SLC15A1: variants seen among roughly 807,000 people sequenced by gnomAD.
The protein encoded by SLC15A1 is solute carrier family 15 member 1.
SLC15A1 carries 83 observed loss-of-function variants against 92.9 expected under a neutral mutation model. The ratio of observed to expected loss-of-function variants is 0.89; its 90% CI spans 0.75 to 1.07. The LOEUF (loss-of-function observed/expected upper bound fraction) is 1.07. Ranked by LOEUF, SLC15A1 falls within the 50% of genes least tolerant of loss-of-function variation. The pLI is 0.00. For missense variants in SLC15A1, 857 were observed against 880.1 expected (o/e 0.97, Z 0.33); for synonymous variants, 322 against 318.2 (o/e 1.01, Z -0.13).
chr13:98,719,422 A>C (rs1272938258), intron 7 of SLC15A1, 102 bp from the exon 8 acceptor site: 2 of 811,284 alleles, frequency 2.5e-6, no homozygotes, highest in African/African-American at 3.4e-5. Flanking sequence ...TTGCTTTCAC[A>C]TACTGTTCTA....
chr13:98,739,357 CA>C (rs1351791591), intron 1 of SLC15A1, among the ~76,000 whole-genome samples: 2 of 152,196 alleles, frequency 1.3e-5, no homozygotes, highest in South Asian at 4.2e-4. Flanking sequence ...TTGGGGAGGC[CA>C]GGGGGAATGA....
At chr13:98,740,882 C>A (rs1194437634) in intron 1 of SLC15A1, among the ~76,000 whole-genome samples, 1 of 152,280 alleles carries the variant, frequency 6.6e-6, no homozygotes, top group African/African-American at 2.4e-5. Flanking sequence ...AAGTGTTTTT[C>A]TTTCCTTAAA....
chr13:98,741,746 G>A (rs1177599120), intron 1 of SLC15A1, among the ~76,000 whole-genome samples: 1 of 147,788 alleles, frequency 6.8e-6, no homozygotes, highest in African/African-American at 2.5e-5. Context: ...AAAAAAAAAG[G>A]CCTCCTTTTC....
intron 1 of SLC15A1, among the ~76,000 whole-genome samples, chr13:98,736,619 T>C (rs1041034805): frequency 2.0e-5 from 3 of 152,046 alleles, no homozygotes; most frequent in African/African-American, 7.3e-5. Flanking sequence ...ATCTAGAATA[T>C]ACAAAGAACT....
At position 98,709,788 on chromosome 13, in the gene SLC15A1, A is replaced by C; in HGVS notation, c.946-14T>G. 1.2e-6 allele frequency: 2 copies of C among 1,614,218 alleles called. No homozygotes were observed. Among genetic ancestry groups the C allele is most frequent in the Non-Finnish European group, 1.7e-6 (2 of 1,180,046 alleles). On this transcript the variant is annotated splice_polypyrimidine_tract_variant and intron_variant, in intron 12 of 22. Transcript: ENST00000376503. ...TTCAAGAGCTCCCTAAAAAGAGAGG[A>C]AAACAATCTCAGTGAAAAATGTCAT...
At chr13:98,714,952 A>G (rs1045378155) in intron 9 of SLC15A1, among the ~76,000 whole-genome samples, 4 of 152,178 alleles carry the variant, frequency 2.6e-5, no homozygotes, top group Non-Finnish European at 4.4e-5. Context: ...TGCATATCCT[A>G]TGGAGGTACT....
At chr13:98,741,153 G>T (rs1289510511) in intron 1 of SLC15A1, among the ~76,000 whole-genome samples, 1 of 152,194 alleles carries the variant, frequency 6.6e-6, no homozygotes. Context: ...TGACAAGTGA[G>T]CGAGGGCCAC....
intron 1 of SLC15A1, among the ~76,000 whole-genome samples, chr13:98,747,830 G>A (rs530366252): frequency 1.4e-4 from 21 of 152,282 alleles, no homozygotes; most frequent in South Asian, 8.3e-4. Flanking sequence ...GCTGTGAGCC[G>A]AGATTGTGCC....
chr13:98,725,993 A>G (rs1316065638), intron 4 of SLC15A1, 130 bp downstream of exon 4: 2 of 1,208,342 alleles, frequency 1.7e-6, no homozygotes, highest in African/African-American at 3.0e-5. Context: ...GGTATGAACC[A>G]TACCACACCT....
At chr13:98,742,466 C>G (rs1025127694) in intron 1 of SLC15A1, among the ~76,000 whole-genome samples, 1 of 152,210 alleles carries the variant, frequency 6.6e-6, no homozygotes, top group Admixed American at 6.5e-5. Context: ...AGCCTGGGGA[C>G]AGCTCCTGGT....
intron 14 of SLC15A1, 66 bp downstream of exon 14, chr13:98,709,506 C>A: frequency 3.8e-6 from 5 of 1,312,228 alleles, no homozygotes; most frequent in Non-Finnish European, 5.5e-6. Flanking sequence ...GCAGGCTGAG[C>A]GCAGCCCATC....
At chr13:98,690,450 A>G (rs1266986077) in intron 18 of SLC15A1, among the ~76,000 whole-genome samples, 1 of 152,148 alleles carries the variant, frequency 6.6e-6, no homozygotes, top group Non-Finnish European at 1.5e-5. Flanking sequence ...CACCCACACA[A>G]AAGAGAGCAT....
intron 1 of SLC15A1, among the ~76,000 whole-genome samples, chr13:98,729,963 C>T (rs2088334175): frequency 6.6e-6 from 1 of 151,846 alleles, no homozygotes. Flanking sequence ...TAGCTCACAC[C>T]TCCATCCGAG....
At chr13:98,737,159 A>G (rs1254347929) in intron 1 of SLC15A1, among the ~76,000 whole-genome samples, 1 of 152,272 alleles carries the variant, frequency 6.6e-6, no homozygotes, top group Non-Finnish European at 1.5e-5. Context: ...AATACTATTC[A>G]GCCATGAAAA....
In SLC15A1 at chr13:98,684,545, CAAAAAAA is replaced by C. The variant is rs4646233; in HGVS notation, c.*172_*178del. 1.1e-3 allele frequency: 221 copies of C among 193,158 alleles called. No homozygotes were observed. Among genetic ancestry groups the C allele is most frequent in the Middle Eastern group, 3.3e-3 (2 of 598 alleles). 12.0% of individuals were successfully genotyped at this position (193,158 alleles called of 1,614,324 possible). A position where few individuals can be genotyped will look rare whatever the true frequency, so the allele number is the denominator to read the frequency against. On this transcript the variant is annotated 3_prime_UTR_variant, in exon 23 of 23. Transcript: ENST00000376503. Reference sequence around the variant, plus strand: ...GGACAACAAGAGCAAAACTCTGTCTCAAAAAAAAAAAAAAAAAAAAAAAGAAAAGAAA... The same window carrying C: ...GGACAACAAGAGCAAAACTCTGTCTCAAAAAAAAAAAAAAAAGAAAAGAAA...
Position 98,686,238 on chromosome 13 carries a change from G to C in SLC15A1, c.1887C>G (p.Gly629=). Residue 629 remains glycine, a synonymous_variant, in exon 22 of 23, where the codon GGC becomes GGG. Coordinates refer to ENST00000376503, the MANE Select transcript of SLC15A1 (RefSeq NM_005073.4). ...CTGCCACGATGAGCACAATGATGTTGCCAACAGCCACGGTCAGCAGCCATC... is the reference window on the plus strand; with the variant it reads ...CTGCCACGATGAGCACAATGATGTTCCCAACAGCCACGGTCAGCAGCCATC... ...QAGWLLTVAV[G]NIIVLIVAGA... 6.2e-7 allele frequency: 1 copy of C among 1,613,810 alleles called. No individual in the cohort carries two copies. The highest frequency in any genetic ancestry group is 8.5e-7 in the Non-Finnish European group (1 of 1,179,920).
intron 17 of SLC15A1, among the ~76,000 whole-genome samples, chr13:98,703,535 G>C (rs2088086545): frequency 7.4e-6 from 1 of 134,662 alleles, no homozygotes; most frequent in Non-Finnish European, 1.5e-5. Flanking sequence ...AGCTGCTGCT[G>C]CTGCTTTTTT....
At chr13:98,727,597 T>C (rs370226834) in intron 1 of SLC15A1, among the ~76,000 whole-genome samples, 34 of 152,264 alleles carry the variant, frequency 2.2e-4, no homozygotes, top group Admixed American at 9.8e-4. Flanking sequence ...TCAAGTCCAG[T>C]GGACTCTCCC....
intron 8 of SLC15A1, among the ~76,000 whole-genome samples, chr13:98,718,385 T>A (rs2088228581): frequency 7.2e-6 from 1 of 138,174 alleles, no homozygotes; most frequent in Non-Finnish European, 1.5e-5. Flanking sequence ...TATGGTGCAA[T>A]CATGGCTCAC....
Sources: gnomAD v4.1 joint callset for allele counts (sites outside exome capture counted in the v4.1 genomes callset) on GRCh38, gnomAD v4.1.1 for gene constraint, MANE v1.5 for transcripts, NCBI Gene and HGNC (gene_info 2026-07-23, HGNC 2026-07-21) for gene names.